Variants in PTPRO observed in about 807,000 individuals in gnomAD.
The protein encoded by PTPRO is receptor-type tyrosine-protein phosphatase O.
Under a neutral mutation model 145.2 loss-of-function variants are expected in PTPRO, and 62 were observed. That is an observed-to-expected ratio of 0.43 (90% CI 0.35 to 0.53). PTPRO has a LOEUF of 0.53. PTPRO is among the 20% of genes least tolerant of loss of function. The pLI is 0.01. For synonymous variants in PTPRO, 565 were observed against 514.7 expected (o/e 1.10, Z -1.32); for missense variants, 1,345 against 1,482.7 (o/e 0.91, Z 1.53).
chr12:15,570,145 T>C (rs2135608566), intron 19 of PTPRO, among the ~76,000 whole-genome samples: 1 of 152,228 alleles, frequency 6.6e-6, no homozygotes, highest in Admixed American at 6.5e-5. Flanking sequence ...AGTGAGTGAG[T>C]CTAATATCTC....
chr12:15,464,753 T>C (rs1941381368), intron 1 of PTPRO, among the ~76,000 whole-genome samples: 1 of 152,122 alleles, frequency 6.6e-6, no homozygotes, highest in African/African-American at 2.4e-5. Flanking sequence ...TAAATTAGCA[T>C]GATATACTTG....
chr12:15,479,739 G>A (rs1941737304), intron 1 of PTPRO, among the ~76,000 whole-genome samples: 1 of 152,226 alleles, frequency 6.6e-6, no homozygotes, highest in Non-Finnish European at 1.5e-5. Context: ...GATGCCATCA[G>A]TACTGAGTAG....
At chr12:15,368,764 C>T (rs1326167042) in intron 1 of PTPRO, among the ~76,000 whole-genome samples, 1 of 152,194 alleles carries the variant, frequency 6.6e-6, no homozygotes, top group Non-Finnish European at 1.5e-5. Context: ...TTAGATTTCA[C>T]ATTGAGAATG....
chr12:15,365,377 G>A (rs1466030958), intron 1 of PTPRO, among the ~76,000 whole-genome samples: 1 of 152,094 alleles, frequency 6.6e-6, no homozygotes, highest in Non-Finnish European at 1.5e-5. Context: ...TGTTTGAAAT[G>A]TGTTTAGGTC....
intron 1 of PTPRO, among the ~76,000 whole-genome samples, chr12:15,479,442 A>G (rs1941732115): frequency 6.6e-6 from 1 of 152,156 alleles, no homozygotes; most frequent in South Asian, 2.1e-4. Flanking sequence ...CATGTGAACA[A>G]TGACTTTTTC....
intron 1 of PTPRO, among the ~76,000 whole-genome samples, chr12:15,420,443 G>A (rs188982688): frequency 8.1e-4 from 123 of 151,652 alleles, no homozygotes; most frequent in Non-Finnish European, 2.8e-4. Flanking sequence ...TGCCTGGAAT[G>A]AGACCACACC....
At chr12:15,359,582 AT>A (rs1169817538) in intron 1 of PTPRO, among the ~76,000 whole-genome samples, 2 of 150,860 alleles carry the variant, frequency 1.3e-5, no homozygotes, top group Admixed American at 1.3e-4. Context: ...TTATTTATTT[AT>A]TTATTTAGTA....
intron 1 of PTPRO, among the ~76,000 whole-genome samples, chr12:15,424,326 C>A (rs1940226096): frequency 6.6e-6 from 1 of 151,924 alleles, no homozygotes; most frequent in South Asian, 2.1e-4. Context: ...TTCCATTTTC[C>A]TTTAATATTT....
intron 9 of PTPRO, among the ~76,000 whole-genome samples, chr12:15,519,025 G>A (rs1234623109): frequency 9.9e-5 from 15 of 152,218 alleles, no homozygotes; most frequent in Non-Finnish European, 1.2e-4. Flanking sequence ...GTATTCATTC[G>A]TTTCCATGCT....
At position 15,496,965 on chromosome 12, in the gene PTPRO, T is replaced by C. The variant is rs2111172; in HGVS notation, c.350-280T>C. Among the ~76,000 whole-genome samples the C allele has an allele frequency of 0.96, 146,372 of 152,262 alleles. 70,413 individuals are homozygous for C. The highest frequency in any genetic ancestry group is 1 in the Middle Eastern group (293 of 294). ...GTCATCATTATATTTATAGGTGGGATGGAGATATTTTATTTGCTCTTCCTA... is the reference window on the plus strand; with the variant it reads ...GTCATCATTATATTTATAGGTGGGACGGAGATATTTTATTTGCTCTTCCTA... On this transcript the variant is annotated intron_variant, in intron 2 of 26. Coordinates refer to ENST00000281171, the MANE Select transcript of PTPRO (RefSeq NM_030667.3).
At chr12:15,464,087 T>C (rs1400468795) in intron 1 of PTPRO, among the ~76,000 whole-genome samples, 1 of 151,688 alleles carries the variant, frequency 6.6e-6, no homozygotes, top group Non-Finnish European at 1.5e-5. Context: ...TAACTAAACA[T>C]AGCACAAAGG....
At chr12:15,442,294 A>C (rs1375931490) in intron 1 of PTPRO, among the ~76,000 whole-genome samples, 2 of 152,162 alleles carry the variant, frequency 1.3e-5, no homozygotes, top group African/African-American at 4.8e-5. Flanking sequence ...AAAATCCAAC[A>C]ATTTTTTGTG....
At chr12:15,416,540 C>T (rs575971035) in intron 1 of PTPRO, among the ~76,000 whole-genome samples, 2 of 151,376 alleles carry the variant, frequency 1.3e-5, no homozygotes, top group South Asian at 2.1e-4. Flanking sequence ...AGGATGGTCT[C>T]GATCTCCTGA....
At chr12:15,411,462 T>G (rs1228643889) in intron 1 of PTPRO, among the ~76,000 whole-genome samples, 15 of 152,222 alleles carry the variant, frequency 9.9e-5, no homozygotes, top group Admixed American at 9.8e-4. Flanking sequence ...ACATATGCCT[T>G]TTGCTTAGAA....
chr12:15,503,025 A>G (rs1942252540), intron 5 of PTPRO, among the ~76,000 whole-genome samples: 1 of 152,196 alleles, frequency 6.6e-6, no homozygotes, highest in African/African-American at 2.4e-5. Flanking sequence ...ATGATACAGC[A>G]TTCAACCATA....
chr12:15,555,023 G>T (rs905302366), intron 15 of PTPRO, among the ~76,000 whole-genome samples: 4 of 152,144 alleles, frequency 2.6e-5, no homozygotes, highest in Non-Finnish European at 4.4e-5. Flanking sequence ...CTCACTTGAG[G>T]TCAGGAGTTT....
intron 1 of PTPRO, among the ~76,000 whole-genome samples, chr12:15,456,347 T>A (rs985276123): frequency 6.6e-6 from 1 of 152,232 alleles, no homozygotes; most frequent in Non-Finnish European, 1.5e-5. Flanking sequence ...CTGATCCTTT[T>A]AATATGCTGT....
chr12:15,500,089 GGATGGATGGA>G (rs1942188921), intron 4 of PTPRO, among the ~76,000 whole-genome samples: 9 of 151,786 alleles, frequency 5.9e-5, no homozygotes, highest in African/African-American at 1.2e-4. Flanking sequence ...ATGGGTGGAT[GGATGGATGGA>G]TGGATGGATG....
intron 23 of PTPRO, among the ~76,000 whole-genome samples, chr12:15,583,567 TTCAATG>T (rs1474394019): frequency 6.6e-6 from 1 of 152,182 alleles, no homozygotes; most frequent in East Asian, 1.9e-4. Context: ...AAATTCAAAT[TTCAATG>T]TCCATATATA....
Sources: allele counts gnomAD v4.1 joint callset (sites outside exome capture counted in the v4.1 genomes callset), GRCh38; gene constraint gnomAD v4.1.1; transcripts MANE v1.5; gene names NCBI Gene and HGNC (gene_info 2026-07-23, HGNC 2026-07-21).